SEMA4D: variants seen among roughly 807,000 people sequenced by gnomAD.
SEMA4D encodes semaphorin 4D, also known as semaphorin-4D.
SEMA4D carries 22 observed loss-of-function variants against 74.8 expected under a neutral mutation model. That is an observed-to-expected ratio of 0.29 (90% CI 0.21 to 0.42). The LOEUF (loss-of-function observed/expected upper bound fraction) is 0.42. SEMA4D is among the 10% of genes least tolerant of loss of function. The pLI, the probability that SEMA4D is intolerant of heterozygous loss-of-function variation, is 1.00. For synonymous variants in SEMA4D, 445 were observed against 463.7 expected (o/e 0.96, Z 0.52); for missense variants, 937 against 1,118.4 (o/e 0.84, Z 2.31).
chr9:89,397,926 T>G (rs1405581782), intron 5 of SEMA4D, among the ~76,000 whole-genome samples: 1 of 152,128 alleles, frequency 6.6e-6, no homozygotes, highest in Non-Finnish European at 1.5e-5. Context: ...GAATGAGTAT[T>G]CGGCCCAGGG....
Position 89,396,753 on chromosome 9 carries a change from G to A in SEMA4D, c.398C>T (p.Pro133Leu), listed in dbSNP as rs779130955. ...LYVCGTNAFQPACDHLNLTSF... is the reference protein window; with the variant it reads ...LYVCGTNAFQLACDHLNLTSF... ...CAGCCTTACCAGGTGGTCACAGGCCGGCTGGAATGCGTTGGTCCCACACAC... is the reference window on the plus strand; with the variant it reads ...CAGCCTTACCAGGTGGTCACAGGCCAGCTGGAATGCGTTGGTCCCACACAC... Residue 133 changes from proline (P) to leucine (L), a missense_variant, in exon 6 of 16, where the codon CCG (proline) becomes CTG (leucine). Physicochemically the swap from Pro to Leu is moderately conservative, Grantham distance 98. Transcript: ENST00000422704. 4 of 1,613,610 alleles carry A rather than the reference G, an allele frequency of 2.5e-6. No homozygotes were observed. Among genetic ancestry groups the A allele is most frequent in the South Asian group, 1.1e-5 (1 of 90,932 alleles).
At chr9:89,362,096 C>T (rs1832803752) in exon 19 of SEMA4D, 4 of 550,234 alleles carry the variant, frequency 7.3e-6, no homozygotes, top group Non-Finnish European at 1.3e-5. Context: ...TGTTTTAGTT[C>T]ACGAGCAGCT....
intron 1 of SEMA4D, among the ~76,000 whole-genome samples, chr9:89,463,216 A>G (rs1442881033): frequency 6.6e-6 from 1 of 151,958 alleles, no homozygotes; most frequent in African/African-American, 2.4e-5. Context: ...AATACTTGCA[A>G]TTCTAATCTT....
At chr9:89,395,772 G>A (rs1175635664) in intron 6 of SEMA4D, among the ~76,000 whole-genome samples, 2 of 152,048 alleles carry the variant, frequency 1.3e-5, no homozygotes, top group African/African-American at 2.4e-5. Context: ...GCAAATACCA[G>A]GCTTCCTCAT....
intron 2 of SEMA4D, among the ~76,000 whole-genome samples, chr9:89,429,032 G>A (rs1340396906): frequency 6.6e-6 from 1 of 152,152 alleles, no homozygotes; most frequent in East Asian, 1.9e-4. Context: ...GCTCACTCCT[G>A]GCCTTGGGTC....
At chr9:89,364,037 C>T (rs754445631) in intron 16 of SEMA4D, 1 of 1,610,306 alleles carries the variant, frequency 6.2e-7, no homozygotes, top group Non-Finnish European at 8.5e-7. Context: ...GTTACCTCTG[C>T]TGTCCCAGTT....
chr9:89,424,935 C>A (rs1847795716), intron 2 of SEMA4D, among the ~76,000 whole-genome samples: 1 of 151,988 alleles, frequency 6.6e-6, no homozygotes, highest in African/African-American at 2.4e-5. Context: ...CCTCCTGTTT[C>A]TCTCCAGGGC....
chr9:89,418,478 C>T (rs984402530), intron 2 of SEMA4D: 16 of 916,670 alleles, frequency 1.7e-5, no homozygotes, highest in Non-Finnish European at 2.0e-5. Flanking sequence ...CTATTAGCTC[C>T]AGATATGTAT....
chr9:89,433,243 C>T (rs915390796), intron 2 of SEMA4D, among the ~76,000 whole-genome samples: 3 of 152,234 alleles, frequency 2.0e-5, no homozygotes, highest in East Asian at 1.9e-4. Flanking sequence ...GAGGCTGCCA[C>T]GAGTCCCCCA....
intron 1 of SEMA4D, among the ~76,000 whole-genome samples, chr9:89,467,488 TC>T (rs1859040023): frequency 8.0e-6 from 1 of 125,036 alleles, no homozygotes; most frequent in African/African-American, 2.9e-5. Flanking sequence ...ATTTGTTTAA[TC>T]CGGGGGAGTG....
rs1326046278 is a variant in SEMA4D at position 89,388,768 on chromosome 9, C to T, written c.975G>A (p.Val325=). ...PQLNNVGLSA[V]CAYNLSTAEE... Reference sequence around the variant, plus strand: ...CGGCTGTGGACAGGTTGTAGGCGCACACTGCCGACAGCCCCACGTTGTTCC... The same window carrying T: ...CGGCTGTGGACAGGTTGTAGGCGCATACTGCCGACAGCCCCACGTTGTTCC... Residue 325 remains valine, a synonymous_variant, in exon 11 of 16, where the codon GTG becomes GTA. Coordinates refer to ENST00000422704, the MANE Select transcript of SEMA4D (RefSeq NM_001371194.2). 3 of 1,607,286 alleles carry T rather than the reference C, an allele frequency of 1.9e-6. No homozygotes were observed. The highest frequency in any genetic ancestry group is 1.1e-5 in the South Asian group (1 of 90,936).
In SEMA4D at chr9:89,378,854, G is replaced by A. The variant is rs113987469; in HGVS notation, c.2439C>T (p.Thr813=). 33 of 1,614,172 alleles carry A rather than the reference G, an allele frequency of 2.0e-5. No individual in the cohort carries two copies. Among genetic ancestry groups the A allele is most frequent in the South Asian group, 1.6e-4 (15 of 91,082 alleles). The change falls in exon 16 of 16, where the codon ACC becomes ACT. Residue 813 remains threonine, a synonymous_variant. Coordinates refer to ENST00000422704, the MANE Select transcript of SEMA4D (RefSeq NM_001371194.2). Reference sequence around the variant, plus strand: ...TGGTGTCTTGCTCGGTCTCATAGCCGGTGTCCAGGGCTGGCTTGGGGTGCT... The same window carrying A: ...TGGTGTCTTGCTCGGTCTCATAGCCAGTGTCCAGGGCTGGCTTGGGGTGCT... ...NGEHPKPALD[T]GYETEQDTIT... is the part of the protein sequence containing the mutation.
intron 1 of SEMA4D, among the ~76,000 whole-genome samples, chr9:89,458,640 CATGT>C (rs1285339226): frequency 6.6e-6 from 1 of 152,072 alleles, no homozygotes; most frequent in African/African-American, 2.4e-5. Flanking sequence ...TGTAAGCACA[CATGT>C]ATATTCACAT....
At chr9:89,433,585 G>C (rs1018270416) in intron 2 of SEMA4D, among the ~76,000 whole-genome samples, 1 of 152,194 alleles carries the variant, frequency 6.6e-6, no homozygotes, top group African/African-American at 2.4e-5. Flanking sequence ...TCCAACTCTT[G>C]GCATTTCGCT....
At chr9:89,466,642 A>T (rs116735793) in intron 1 of SEMA4D, among the ~76,000 whole-genome samples, 3,326 of 152,318 alleles carry the variant, frequency 0.022, 65 homozygotes, top group South Asian at 0.075. Flanking sequence ...GCACACTCTC[A>T]AGGCACAGCC....
At position 89,363,300 on chromosome 9, in the gene SEMA4D, A is replaced by G. The variant is rs1487929887; in HGVS notation, c.2190+130T>C. On this transcript the variant is annotated intron_variant, in intron 18 of 18. Transcript: ENST00000339861. ...CAGTGTTGCAGATTTCATAAAGGAA[A>G]CTGCTCCGGGGCTAAGAGGGAACAA... is the stretch of plus-strand genomic sequence containing the variant. The G allele has an allele frequency of 1.5e-5, 21 of 1,364,042 alleles. 1 individual carries two copies. Among genetic ancestry groups the G allele is most frequent in the Non-Finnish European group, 1.8e-5 (18 of 1,020,744 alleles). The allele number at this position is 1,364,042 out of a possible 1,614,324, so 84.5% of individuals were successfully genotyped here.
At position 89,388,563 on chromosome 9, in the gene SEMA4D, C is replaced by T. The variant is rs569830322; in HGVS notation, c.1107+73G>A. 5.6e-4 allele frequency: 858 copies of T among 1,526,222 alleles called. 3 individuals are homozygous for T. The African/African-American group carries it at 0.011, about 19-fold the overall frequency. 94.5% of individuals were successfully genotyped at this position (1,526,222 alleles called of 1,614,324 possible). A position where few individuals can be genotyped will look rare whatever the true frequency, so the allele number is the denominator to read the frequency against. On this transcript the variant is annotated intron_variant, in intron 11 of 15. Coordinates refer to ENST00000422704, the MANE Select transcript of SEMA4D (RefSeq NM_001371194.2). ...AGGTACCCAGCCCATGAGCAGGCCC[C>T]AGTGCCTGTACTGGATTCCATGCCC...
intron 2 of SEMA4D, among the ~76,000 whole-genome samples, chr9:89,412,444 G>A (rs993132843): frequency 6.6e-5 from 10 of 152,214 alleles, no homozygotes; most frequent in Admixed American, 5.2e-4. Context: ...AGGACTGTCA[G>A]GACTGGTGCT....
At chr9:89,400,981 C>T (rs1842094446) in intron 4 of SEMA4D, among the ~76,000 whole-genome samples, 1 of 152,222 alleles carries the variant, frequency 6.6e-6, no homozygotes, top group Non-Finnish European at 1.5e-5. Context: ...ATTTAACAGA[C>T]ACGCGAAGAG....
Sources: allele counts gnomAD v4.1 joint callset (sites outside exome capture counted in the v4.1 genomes callset), GRCh38; gene constraint gnomAD v4.1.1; transcripts MANE v1.5; gene names NCBI Gene and HGNC (gene_info 2026-07-23, HGNC 2026-07-21).